EPHA3: variants seen among roughly 807,000 people sequenced by gnomAD.
The protein encoded by EPHA3 is ephrin type-A receptor 3.
In EPHA3, 42 loss-of-function variants were observed where a neutral mutation model predicts 107.1. The ratio of observed to expected loss-of-function variants is 0.39; its 90% CI spans 0.31 to 0.51. The LOEUF (loss-of-function observed/expected upper bound fraction) is 0.51, where lower values mean the gene tolerates loss of function less well. Among genes scored for constraint, EPHA3 ranks in the 20% least tolerant of loss-of-function variants. The pLI is 0.78. For synonymous variants in EPHA3, 461 were observed against 424.8 expected (o/e 1.09, Z -1.05); for missense variants, 1,183 against 1,211.2 (o/e 0.98, Z 0.35).
intron 2 of EPHA3, among the ~76,000 whole-genome samples, chr3:89,139,913 A>G (rs1203613952): frequency 1.3e-5 from 2 of 151,874 alleles, no homozygotes; most frequent in Non-Finnish European, 2.9e-5. Flanking sequence ...ACCGAGTGTC[A>G]TGCATTGCAG....
chr3:89,190,266 T>C (rs1705677725), intron 2 of EPHA3, among the ~76,000 whole-genome samples: 1 of 152,192 alleles, frequency 6.6e-6, no homozygotes, highest in African/African-American at 2.4e-5. Flanking sequence ...AAATTATTTT[T>C]CCTAACTCTC....
intron 2 of EPHA3, among the ~76,000 whole-genome samples, chr3:89,131,719 G>A (rs550474716): frequency 6.6e-6 from 1 of 152,280 alleles, no homozygotes; most frequent in Admixed American, 6.5e-5. Flanking sequence ...AGTAATATAT[G>A]TTTGTGGAAA....
chr3:89,415,262 A>G, intron 10 of EPHA3, among the ~76,000 whole-genome samples: 1 of 151,160 alleles, frequency 6.6e-6, no homozygotes, highest in East Asian at 1.9e-4. Context: ...CATTTCTAAA[A>G]TAGCTTTTAT....
At chr3:89,397,862 C>T (rs779978555) in intron 6 of EPHA3, among the ~76,000 whole-genome samples, 7 of 152,096 alleles carry the variant, frequency 4.6e-5, no homozygotes, top group African/African-American at 1.4e-4. Flanking sequence ...GGATTACAGG[C>T]GTGAGCCACC....
intron 3 of EPHA3, among the ~76,000 whole-genome samples, chr3:89,299,593 G>T (rs1386715068): frequency 6.6e-6 from 1 of 151,946 alleles, no homozygotes; most frequent in Non-Finnish European, 1.5e-5. Flanking sequence ...AATCACTACA[G>T]CATTATTATC....
chr3:89,416,264 C>T (rs569463573), intron 10 of EPHA3, among the ~76,000 whole-genome samples: 24 of 151,106 alleles, frequency 1.6e-4, no homozygotes, highest in African/African-American at 4.6e-4. Context: ...ATAAAATTGC[C>T]GCACTTATTA....
chr3:89,191,193 T>C lies in EPHA3; in HGVS notation c.154-18667T>C, dbSNP rs981016986. The stretch of plus-strand genomic sequence containing the variant: ...TTGAGCCACAGTGCTTATTAAAAAT[T>C]AAAGTGGAGTTTCTTCTGACCTTTA... On this transcript the variant is annotated intron_variant, in intron 2 of 16. Transcript: ENST00000336596. Among the ~76,000 whole-genome samples, 3 of 152,196 alleles carry C rather than the reference T, an allele frequency of 2.0e-5. No individual in the cohort carries two copies. The East Asian group carries it at 5.8e-4, about 29-fold the overall frequency.
rs114383843 is a variant in EPHA3, at chr3:89,257,889, A to G, written c.814+47369A>G. On this transcript the variant is annotated intron_variant, in intron 3 of 16. Transcript: ENST00000336596. Reference sequence around the variant, plus strand: ...ATGGATGCTAAAACCACTGGCCAACATGGATGCTAAGTTAAAGATGCTGAG... The same window carrying G: ...ATGGATGCTAAAACCACTGGCCAACGTGGATGCTAAGTTAAAGATGCTGAG... 1.2e-3 allele frequency among the ~76,000 whole-genome samples: 189 copies of G among 152,192 alleles called. 1 individual carries two copies. Among genetic ancestry groups the G allele is most frequent in the African/African-American group, 4.2e-3 (173 of 41,532 alleles).
chr3:89,354,603 C>T (rs1312621198), intron 5 of EPHA3, among the ~76,000 whole-genome samples: 1 of 151,176 alleles, frequency 6.6e-6, no homozygotes, highest in African/African-American at 2.4e-5. Flanking sequence ...CCCTGACATT[C>T]TATACCATTC....
chr3:89,251,131 A>G (rs1705154106), intron 3 of EPHA3, among the ~76,000 whole-genome samples: 2 of 152,200 alleles, frequency 1.3e-5, no homozygotes, highest in South Asian at 4.1e-4. Context: ...AAGTCTTGAC[A>G]GGTTTAATAA....
chr3:89,347,095 A>T (rs1402666747), intron 5 of EPHA3, among the ~76,000 whole-genome samples: 1 of 144,790 alleles, frequency 6.9e-6, no homozygotes, highest in Non-Finnish European at 1.5e-5. Flanking sequence ...TGACTTGGCA[A>T]TGAGGGCTCT....
chr3:89,413,135 A>C lies in EPHA3; in HGVS notation c.1763-6A>C. On this transcript the variant is annotated splice_region_variant and splice_polypyrimidine_tract_variant and intron_variant, in intron 9 of 16. Transcript: ENST00000336596. ...CAATTGCGCCTTTCTTTCTTTCCTC[A>C]AACAGTAAAACTTCCAGGTCTCAGG... 1.2e-6 allele frequency: 2 copies of C among 1,610,640 alleles called. No individual in the cohort carries two copies. Among genetic ancestry groups the C allele is most frequent in the South Asian group, 1.1e-5 (1 of 90,962 alleles).
At position 89,269,108 on chromosome 3, in the gene EPHA3, T is replaced by C. The variant is rs186973264; in HGVS notation, c.814+58588T>C. Among the ~76,000 whole-genome samples, 5 of 152,256 alleles carry C rather than the reference T, an allele frequency of 3.3e-5. No individual in the cohort carries two copies. The East Asian group carries it at 7.7e-4, about 23-fold the overall frequency. ...TTGCTTTTGTAAATCTACTGACCAA[T>C]AAGATCTTTTAAGCATTTAATGTAT... On this transcript the variant is annotated intron_variant, in intron 3 of 16. Transcript: ENST00000336596.
intron 2 of EPHA3, among the ~76,000 whole-genome samples, chr3:89,129,047 A>C (rs189336349): frequency 6.6e-6 from 1 of 152,262 alleles, no homozygotes; most frequent in Non-Finnish European, 1.5e-5. Context: ...AATGCAGACT[A>C]CCAGACCCTG....
intron 2 of EPHA3, among the ~76,000 whole-genome samples, chr3:89,148,634 G>T (rs1401015263): frequency 6.6e-6 from 1 of 151,896 alleles, no homozygotes; most frequent in Non-Finnish European, 1.5e-5. Flanking sequence ...TAAGGAGCCT[G>T]TATAACTTTC....
At chr3:89,399,110 C>T (rs1476760120) in intron 6 of EPHA3, among the ~76,000 whole-genome samples, 1 of 147,078 alleles carries the variant, frequency 6.8e-6, no homozygotes, top group African/African-American at 2.5e-5. Flanking sequence ...AGCCTGGTGA[C>T]AAAGCAAGAC....
chr3:89,115,243 T>C (rs979497371), intron 1 of EPHA3, among the ~76,000 whole-genome samples: 4 of 141,196 alleles, frequency 2.8e-5, no homozygotes, highest in Admixed American at 1.4e-4. Context: ...AAATGAAGAA[T>C]ATCTTTTTTT....
At chr3:89,328,194 A>C (rs1707210442) in intron 3 of EPHA3, among the ~76,000 whole-genome samples, 1 of 152,142 alleles carries the variant, frequency 6.6e-6, no homozygotes, top group South Asian at 2.1e-4. Context: ...ACACTCCACT[A>C]ATTTTGGAAC....
chr3:89,368,847 A>C (rs1708235582), intron 5 of EPHA3, among the ~76,000 whole-genome samples: 1 of 150,522 alleles, frequency 6.6e-6, no homozygotes. Context: ...AAAACGCTTC[A>C]CCAGCAGTAT....
Sources: gnomAD v4.1 joint callset for allele counts (sites outside exome capture counted in the v4.1 genomes callset) on GRCh38, gnomAD v4.1.1 for gene constraint, MANE v1.5 for transcripts, NCBI Gene and HGNC (gene_info 2026-07-23, HGNC 2026-07-21) for gene names.